The following ACYP2 variants were observed in gnomAD, a reference collection of about 807,000 sequenced individuals.
ACYP2 encodes the protein acylphosphatase-2.
In ACYP2, 12 loss-of-function variants were observed where a neutral mutation model predicts 11.2. The ratio of observed to expected loss-of-function variants is 1.08; its 90% CI spans 0.69 to 1.74. The LOEUF (loss-of-function observed/expected upper bound fraction) is 1.74. Ranked by LOEUF, ACYP2 falls within the 40% of genes most tolerant of loss-of-function variation. ACYP2 has a pLI of 0.00. For missense variants in ACYP2, 134 were observed against 101.9 expected (o/e 1.31, Z -1.35); for synonymous variants, 43 against 32.2 (o/e 1.33, Z -1.13).
intron 2 of ACYP2, among the ~76,000 whole-genome samples, chr2:53,987,015 A>C (rs1433268029): frequency 1.3e-5 from 2 of 152,252 alleles, no homozygotes; most frequent in Admixed American, 6.5e-5. Context: ...ATGAGAATGA[A>C]AAATGCACAA....
chr2:54,276,461 C>A (rs1364519039), intron 6 of ACYP2, among the ~76,000 whole-genome samples: 2 of 152,132 alleles, frequency 1.3e-5, no homozygotes, highest in East Asian at 3.8e-4. Context: ...TGAGAAGACT[C>A]AATACCATGG....
intron 2 of ACYP2, among the ~76,000 whole-genome samples, chr2:54,036,782 A>G (rs1674924700): frequency 6.6e-6 from 1 of 152,208 alleles, no homozygotes; most frequent in South Asian, 2.1e-4. Flanking sequence ...TGGCATTTGA[A>G]TGTCTAGGAT....
intron 6 of ACYP2, among the ~76,000 whole-genome samples, chr2:54,219,349 G>A (rs985228240): frequency 6.6e-6 from 1 of 151,994 alleles, no homozygotes; most frequent in Non-Finnish European, 1.5e-5. Context: ...AAAAATTAAT[G>A]CACTCATATT....
At chr2:54,125,811 G>T (rs56065786) in intron 4 of ACYP2, among the ~76,000 whole-genome samples, 2,203 of 152,234 alleles carry the variant, frequency 0.014, 61 homozygotes, top group African/African-American at 0.05. Context: ...GCTGGGCACA[G>T]TGGCTCACGC....
chr2:54,055,059 CAG>C lies in ACYP2; in HGVS notation c.156-2177_156-2176del, dbSNP rs531278407. Among the ~76,000 whole-genome samples the C allele has an allele frequency of 5.9e-5, 9 of 152,098 alleles. No individual in the cohort carries two copies. In the South Asian group the frequency reaches 1.9e-3, roughly 32 times the overall value. ...CTTTTTCTTTTTTTCTTTTTTTAGACAGAGTCTCGCTCTGTCAACCGGGCTAG... is the reference window on the plus strand; with the variant it reads ...CTTTTTCTTTTTTTCTTTTTTTAGACAGTCTCGCTCTGTCAACCGGGCTAG... On this transcript the variant is annotated intron_variant, in intron 3 of 6. Coordinates refer to ENST00000607452, the MANE Select transcript of ACYP2 (RefSeq NM_001320586.2).
chr2:54,225,949 C>T (rs1682120), intron 6 of ACYP2, among the ~76,000 whole-genome samples: 3 of 151,708 alleles, frequency 2.0e-5, no homozygotes, highest in African/African-American at 7.3e-5. Context: ...CAGGAGATGA[C>T]GGTCTAGTCT....
chr2:54,193,583 TG>T (rs1340125263), intron 6 of ACYP2, among the ~76,000 whole-genome samples: 3 of 152,222 alleles, frequency 2.0e-5, no homozygotes, highest in Admixed American at 2.0e-4. Context: ...GCTTTATATT[TG>T]TTTTTTTCTT....
chr2:54,182,047 A>ATTTTTTTTT (rs35145998), intron 6 of ACYP2, among the ~76,000 whole-genome samples: 4 of 83,068 alleles, frequency 4.8e-5, no homozygotes, highest in African/African-American at 2.1e-4. Context: ...ATAGAAGATA[A>ATTTTTTTTT]TTTTTTTTTT....
At chr2:54,122,766 G>T (rs1352970115) in intron 4 of ACYP2, among the ~76,000 whole-genome samples, 2 of 152,206 alleles carry the variant, frequency 1.3e-5, no homozygotes, top group Non-Finnish European at 2.9e-5. Flanking sequence ...TCAGTGCCTT[G>T]CAGAGTTAAT....
chr2:54,201,930 A>G (rs1684850884), intron 6 of ACYP2, among the ~76,000 whole-genome samples: 1 of 149,638 alleles, frequency 6.7e-6, no homozygotes, highest in Non-Finnish European at 1.5e-5. Context: ...CTGGTCTTAA[A>G]CTCCTGACCT....
At chr2:53,983,752 A>G (rs1671877622) in intron 2 of ACYP2, among the ~76,000 whole-genome samples, 1 of 152,174 alleles carries the variant, frequency 6.6e-6, no homozygotes, top group Non-Finnish European at 1.5e-5. Flanking sequence ...GAGGAAGTTG[A>G]AGGGGTGACA....
intron 6 of ACYP2, among the ~76,000 whole-genome samples, chr2:54,163,356 A>G (rs1338920690): frequency 2.0e-5 from 3 of 152,204 alleles, no homozygotes; most frequent in East Asian, 1.9e-4. Context: ...AAGTGACTCA[A>G]TCATATTAAA....
chr2:53,989,277 C>CTTTTTT (rs775237196), intron 2 of ACYP2, among the ~76,000 whole-genome samples: 4 of 94,802 alleles, frequency 4.2e-5, no homozygotes, highest in African/African-American at 4.1e-5. Context: ...GTAGACAATT[C>CTTTTTT]TTTTTTTTTT....
intron 6 of ACYP2, among the ~76,000 whole-genome samples, chr2:54,202,966 A>G (rs924092412): frequency 6.6e-6 from 1 of 151,954 alleles, no homozygotes; most frequent in Non-Finnish European, 1.5e-5. Context: ...TTGCAAATCC[A>G]TATGAATTTT....
intron 2 of ACYP2, among the ~76,000 whole-genome samples, chr2:54,038,666 T>C (rs1200507516): frequency 8.3e-6 from 1 of 121,072 alleles, no homozygotes; most frequent in Non-Finnish European, 1.7e-5. Context: ...TAAATCTTTA[T>C]TGAATACTAT....
In ACYP2 at chr2:54,109,732, T is replaced by TA. The variant is rs1163311185; in HGVS notation, c.278-25714dup. On this transcript the variant is annotated intron_variant, in intron 4 of 6. Transcript: ENST00000607452. ...TTTTAATTTTAGAATAGTTGTTGAT[T>TA]AAAAAAATTATTGTGAATATAGTAG... is the stretch of plus-strand genomic sequence containing the variant. 3.3e-5 allele frequency among the ~76,000 whole-genome samples: 5 copies of TA among 152,232 alleles called. No individual in the cohort carries two copies. In the East Asian group the frequency reaches 9.6e-4, roughly 29 times the overall value.
At position 53,992,774 on chromosome 2, in the gene ACYP2, C is replaced by T. The variant is rs183568453; in HGVS notation, c.62+18964C>T. On this transcript the variant is annotated intron_variant, in intron 2 of 6. Transcript: ENST00000607452. ...TCAAACCAGGAGGCTGAGGTTGCAG[C>T]GAGCTGAGACCACACCACTGTACTC... 2.8e-3 allele frequency among the ~76,000 whole-genome samples: 404 copies of T among 146,506 alleles called. 8 individuals are homozygous for T. The highest frequency in any genetic ancestry group is 1.8e-3 in the East Asian group (9 of 4,972).
At chr2:54,203,283 T>G (rs1370933903) in intron 6 of ACYP2, among the ~76,000 whole-genome samples, 1 of 152,222 alleles carries the variant, frequency 6.6e-6, no homozygotes. Context: ...TGATAATGTA[T>G]AGGAAAACAA....
intron 2 of ACYP2, chr2:54,029,626 C>T: frequency 2.7e-6 from 1 of 367,916 alleles, no homozygotes; most frequent in Non-Finnish European, 5.2e-6. Flanking sequence ...TTTTTCTGAT[C>T]ATTTTCCTTC....
Sources: gnomAD v4.1 joint callset for allele counts (sites outside exome capture counted in the v4.1 genomes callset) on GRCh38, gnomAD v4.1.1 for gene constraint, MANE v1.5 for transcripts, NCBI Gene and HGNC (gene_info 2026-07-23, HGNC 2026-07-21) for gene names.